NEDD9: variants seen among roughly 807,000 people sequenced by gnomAD.
NEDD9 encodes neural precursor cell expressed, developmentally down-regulated 9.
Under a neutral mutation model 76.6 loss-of-function variants are expected in NEDD9, and 26 were observed. That is an observed-to-expected ratio of 0.34 (90% CI 0.25 to 0.47). NEDD9 has a LOEUF of 0.47. Ranked by LOEUF, NEDD9 falls within the 20% of genes least tolerant of loss-of-function variation. The pLI is 1.00. For synonymous variants in NEDD9, 392 were observed against 414.2 expected (o/e 0.95, Z 0.65); for missense variants, 937 against 1,058.5 (o/e 0.89, Z 1.59).
intron 3 of NEDD9, among the ~76,000 whole-genome samples, chr6:11,301,024 C>T (rs536075793): frequency 6.6e-6 from 1 of 152,228 alleles, no homozygotes; most frequent in Admixed American, 6.5e-5. Context: ...CAATATTAAT[C>T]TTAAGTGAAA....
chr6:11,343,021 G>A (rs1198426095), intron 1 of NEDD9, among the ~76,000 whole-genome samples: 1 of 152,104 alleles, frequency 6.6e-6, no homozygotes, highest in Admixed American at 6.5e-5. Context: ...AGCTTGATTA[G>A]GGTAGTGGAT....
At chr6:11,301,890 C>T (rs1020227200) in intron 3 of NEDD9, among the ~76,000 whole-genome samples, 1 of 151,830 alleles carries the variant, frequency 6.6e-6, no homozygotes, top group Non-Finnish European at 1.5e-5. Context: ...ATTTATAGCA[C>T]TAAATGCATA....
chr6:11,299,322 A>G (rs1760981795), intron 3 of NEDD9, among the ~76,000 whole-genome samples: 1 of 152,224 alleles, frequency 6.6e-6, no homozygotes, highest in Non-Finnish European at 1.5e-5. Context: ...GAGTAAACAA[A>G]GTGTCACAGT....
Position 11,241,634 on chromosome 6 carries a change from G to A in NEDD9, c.13-27907C>T, listed in dbSNP as rs1387645837. ...GGAGGTAGGGACAGTACACAATGGG[G>A]GAGAAGGGAGTGTTTTAAACACCAA... On this transcript the variant is annotated intron_variant, in intron 3 of 3. Transcript: ENST00000397378. The surrounding 1 kb of genome is among the most constrained non-coding windows in gnomAD (Gnocchi z 4.0). 1.3e-5 allele frequency among the ~76,000 whole-genome samples: 2 copies of A among 152,186 alleles called. No homozygotes were observed. Among genetic ancestry groups the A allele is most frequent in the African/African-American group, 2.4e-5 (1 of 41,432 alleles).
Position 11,190,151 on chromosome 6 carries a change from A to G in NEDD9, c.1718T>C (p.Ile573Thr), listed in dbSNP as rs760430907. 3.1e-6 allele frequency: 5 copies of G among 1,613,914 alleles called. No individual in the cohort carries two copies. The African/African-American group carries it at 4.0e-5, about 13-fold the overall frequency. The change falls in exon 5 of 7, where the codon ATC (isoleucine) becomes ACC (threonine). Residue 573 changes from isoleucine (I) to threonine (T), a missense_variant. Ile to Thr is a moderately conservative substitution (Grantham distance 89). Coordinates refer to ENST00000379446, the MANE Select transcript of NEDD9 (RefSeq NM_006403.4). The surrounding 1 kb of genome is among the most constrained non-coding windows in gnomAD (Gnocchi z 5.8). Reference protein sequence around the residue: ...SLHLKNGPESIMNSTEYPHGG... With the variant: ...SLHLKNGPESTMNSTEYPHGG... ...GTGTGGGTACTCCGTTGAGTTCATG[A>G]TGCTCTCCGGCCCATTCTTCAGATG...
intron 1 of NEDD9, among the ~76,000 whole-genome samples, chr6:11,351,535 C>T (rs1236925001): frequency 7.2e-5 from 11 of 152,184 alleles, no homozygotes; most frequent in Admixed American, 7.2e-4. Context: ...CCTGACTTTC[C>T]CCTGAAGTAG....
At chr6:11,189,035 C>T (rs1389154967) in intron 5 of NEDD9, among the ~76,000 whole-genome samples, 1 of 151,946 alleles carries the variant, frequency 6.6e-6, no homozygotes, top group African/African-American at 2.4e-5. Flanking sequence ...CAACCTCCGC[C>T]TCCCAGGTTC....
chr6:11,288,765 C>T (rs1486765617), intron 3 of NEDD9, among the ~76,000 whole-genome samples: 1 of 152,206 alleles, frequency 6.6e-6, no homozygotes, highest in Non-Finnish European at 1.5e-5. Context: ...ACAATGCAGC[C>T]ACTTGGCATT....
At chr6:11,367,496 A>C (rs1762788512) in intron 1 of NEDD9, among the ~76,000 whole-genome samples, 1 of 152,192 alleles carries the variant, frequency 6.6e-6, no homozygotes, top group Non-Finnish European at 1.5e-5. Context: ...AATGCAGTTT[A>C]CTCCAAAATG....
At chr6:11,373,173 A>T (rs1017510775) in intron 1 of NEDD9, among the ~76,000 whole-genome samples, 3 of 152,162 alleles carry the variant, frequency 2.0e-5, no homozygotes, top group Admixed American at 6.5e-5. Flanking sequence ...AAACTCATGA[A>T]GAAAATGAAA....
chr6:11,281,822 C>A (rs1014800251), intron 3 of NEDD9, among the ~76,000 whole-genome samples: 3 of 152,214 alleles, frequency 2.0e-5, no homozygotes, highest in African/African-American at 7.2e-5. Flanking sequence ...GATGTGATCT[C>A]GGCTGACTGC....
At chr6:11,368,683 T>C (rs1433916945) in intron 1 of NEDD9, among the ~76,000 whole-genome samples, 1 of 152,272 alleles carries the variant, frequency 6.6e-6, no homozygotes, top group Non-Finnish European at 1.5e-5. Context: ...TCATGAAATA[T>C]CATTTCGGCT....
At chr6:11,304,326 G>A (rs922751411) in intron 3 of NEDD9, among the ~76,000 whole-genome samples, 1 of 152,190 alleles carries the variant, frequency 6.6e-6, no homozygotes, top group Non-Finnish European at 1.5e-5. Context: ...GAGAGGATGT[G>A]GAGAAATAGG....
chr6:11,354,635 A>G (rs954278141), intron 1 of NEDD9, among the ~76,000 whole-genome samples: 2 of 152,152 alleles, frequency 1.3e-5, no homozygotes, highest in Admixed American at 1.3e-4. Flanking sequence ...CCTACCCAGC[A>G]TCTGTTCCTC....
At chr6:11,200,841 G>T in intron 2 of NEDD9, 1 of 1,532,988 alleles carries the variant, frequency 6.5e-7, no homozygotes, top group Non-Finnish European at 8.7e-7. Context: ...CTCAAGACAC[G>T]CCAATGGGAA....
chr6:11,190,968 G>A lies in NEDD9; in HGVS notation c.901C>T (p.His301Tyr). ...GACTGTCCGAGTTGCGGGGGTGGGT[G>A]ATTCGGGGACAGGCTCTGGTGCCTT... ...ARRHQSLSPNHPPPQLGQSVG... is the reference protein window; with the variant it reads ...ARRHQSLSPNYPPPQLGQSVG... Residue 301 changes from histidine to tyrosine, a missense_variant, in exon 5 of 7, where the codon CAC becomes TAC. Transcript: ENST00000379446. The surrounding 1 kb of genome is among the most constrained non-coding windows in gnomAD (Gnocchi z 5.8). The A allele has an allele frequency of 6.2e-7, 1 of 1,614,074 alleles. No individual in the cohort carries two copies.
chr6:11,258,922 T>G (rs1376915675), intron 3 of NEDD9: 1 of 152,298 alleles, frequency 6.6e-6, no homozygotes, highest in African/African-American at 2.4e-5. Flanking sequence ...CTGCTGTTGG[T>G]GTTTTCTGGG....
rs537591736 is a variant in NEDD9 at position 11,302,083 on chromosome 6, T to C, written c.12+3909A>G. ...AAAATCAATGAATCCAGGAGCTGTT[T>C]TTTTAAAAAGATCAACAAAATAGAT... On this transcript the variant is annotated intron_variant, in intron 3 of 3. Coordinates refer to the NEDD9 transcript ENST00000397378. 1.4e-4 allele frequency among the ~76,000 whole-genome samples: 21 copies of C among 152,154 alleles called. No homozygotes were observed. The East Asian group carries it at 4.1e-3, about 29-fold the overall frequency.
intron 2 of NEDD9, among the ~76,000 whole-genome samples, chr6:11,321,019 A>C (rs1761785574): frequency 6.6e-6 from 1 of 151,706 alleles, no homozygotes; most frequent in African/African-American, 2.4e-5. Flanking sequence ...TAAAAAAAAA[A>C]CCTGTTGAAG....
Sources: allele counts gnomAD v4.1 joint callset (sites outside exome capture counted in the v4.1 genomes callset), GRCh38; gene constraint gnomAD v4.1.1; non-coding constraint Gnocchi (gnomAD v3.1); transcripts MANE v1.5; gene names NCBI Gene and HGNC (gene_info 2026-07-23, HGNC 2026-07-21).